Variants in PTPN3 observed in about 807,000 individuals in gnomAD.
PTPN3 encodes protein tyrosine phosphatase non-receptor type 3, also known as tyrosine-protein phosphatase non-receptor type 3.
In PTPN3, 96 loss-of-function variants were observed where a neutral mutation model predicts 132.7. That is an observed-to-expected ratio of 0.72 (90% CI 0.61 to 0.86). The LOEUF is 0.86. Among genes scored for constraint, PTPN3 ranks in the 40% least tolerant of loss-of-function variants. The pLI, the probability that PTPN3 is intolerant of heterozygous loss-of-function variation, is 0.00. For synonymous variants in PTPN3, 398 were observed against 429.0 expected, an observed-to-expected ratio of 0.93 and a Z score of 0.89; for missense variants, 1,125 against 1,159.6, an observed-to-expected ratio of 0.97 and a Z score of 0.43.
chr9:109,510,576 A>ATATATATAT, the PTPN3 span, among the ~76,000 whole-genome samples: 4 of 47,334 alleles, frequency 8.5e-5, no homozygotes, highest in African/African-American at 3.0e-4. Flanking sequence ...AAAAAAAAAA[A>ATATATATAT]ATATATATAT....
rs1281447443 is a variant in PTPN3 at position 109,381,856 on chromosome 9, T to A, written c.2529-69A>T. The A allele has an allele frequency of 2.7e-5, 42 of 1,563,974 alleles. No homozygotes were observed. In the East Asian group the frequency reaches 9.0e-4, roughly 33 times the overall value. ...CCTTTCTGCATGGCCCAGCGAGCAG[T>A]TCCCCGCTGACTCCAAAGGGGCTTT... On this transcript the variant is annotated intron_variant, in intron 24 of 25. Coordinates refer to ENST00000374541, the MANE Select transcript of PTPN3 (RefSeq NM_002829.4).
chr9:109,447,628 A>G (rs981748078), intron 6 of PTPN3, among the ~76,000 whole-genome samples: 1 of 152,124 alleles, frequency 6.6e-6, no homozygotes, highest in Non-Finnish European at 1.5e-5. Flanking sequence ...TCTTGCTTCT[A>G]ACTATCCACC....
upstream of PTPN3, chr9:109,498,318 A>G (rs2132137804): frequency 6.9e-6 from 1 of 145,838 alleles, no homozygotes; most frequent in East Asian, 2.0e-4. The surrounding 1 kb of genome is among the most constrained non-coding windows in gnomAD (Gnocchi z 4.2). Context: ...GAGCATGCCC[A>G]GTGCCGCCCG....
At chr9:109,488,247 ACCC>A (rs1336251759) in intron 1 of PTPN3, among the ~76,000 whole-genome samples, 2 of 151,702 alleles carry the variant, frequency 1.3e-5, no homozygotes, top group Non-Finnish European at 2.9e-5. Flanking sequence ...GACTACAGGC[ACCC>A]ACCAGCACTG....
intron 5 of PTPN3, among the ~76,000 whole-genome samples, chr9:109,453,822 C>T (rs957517036): frequency 4.9e-5 from 7 of 144,120 alleles, no homozygotes; most frequent in Non-Finnish European, 1.0e-4. Flanking sequence ...CCAGCCTGGA[C>T]GACATGGAAA....
At chr9:109,397,319 A>C (rs1030927812) in intron 19 of PTPN3, among the ~76,000 whole-genome samples, 1 of 152,258 alleles carries the variant, frequency 6.6e-6, no homozygotes, top group Non-Finnish European at 1.5e-5. Flanking sequence ...CTCAATAAAA[A>C]TTTGTAGAGT....
intron 1 of PTPN3, among the ~76,000 whole-genome samples, chr9:109,484,634 T>C (rs1847127783): frequency 6.6e-6 from 1 of 152,124 alleles, no homozygotes; most frequent in African/African-American, 2.4e-5. Flanking sequence ...GTGCCTGGAC[T>C]TCAGAGGCGA....
At position 109,436,482 on chromosome 9, in the gene PTPN3, A is replaced by T. The variant is rs543752483; in HGVS notation, c.675+401T>A. The stretch of plus-strand genomic sequence containing the variant: ...ACAATTATATCACCATAATCTTTTT[A>T]AAAAAACTATCATATATGAGTAACT... On this transcript the variant is annotated intron_variant, in intron 9 of 25. Coordinates refer to ENST00000374541, the MANE Select transcript of PTPN3 (RefSeq NM_002829.4). Among the ~76,000 whole-genome samples, 6 of 152,336 alleles carry T rather than the reference A, an allele frequency of 3.9e-5. No homozygotes were observed. In the East Asian group the frequency reaches 9.6e-4, roughly 24 times the overall value.
intron 14 of PTPN3, among the ~76,000 whole-genome samples, chr9:109,415,077 A>ACCATCCATCCAT (rs201768060): frequency 2.1e-3 from 264 of 125,184 alleles, no homozygotes; most frequent in East Asian, 0.011. Context: ...CGTCCATCCA[A>ACCATCCATCCAT]CCATCCATCC....
Position 109,381,781 on chromosome 9 carries a change from T to C in PTPN3, c.2535A>G (p.Gly845=), listed in dbSNP as rs1564368559. The C allele has an allele frequency of 6.2e-7, 1 of 1,614,122 alleles. No homozygotes were observed. The highest frequency in any genetic ancestry group is 8.5e-7 in the Non-Finnish European group (1 of 1,180,052). The change falls in exon 25 of 26, where the codon GGA becomes GGG. Residue 845 remains glycine (G), a synonymous_variant. Coordinates refer to ENST00000374541, the MANE Select transcript of PTPN3 (RefSeq NM_002829.4). Reference sequence around the variant, plus strand: ...TGACCAACACACCGGTTCGACCTATTCCAGCACTGGAGAGGGGAGAGAAGA... The same window carrying C: ...TGACCAACACACCGGTTCGACCTATCCCAGCACTGGAGAGGGGAGAGAAGA... ...SEPVLVHCSA[G]IGRTGVLVTM... is the part of the protein sequence containing the mutation.
intron 12 of PTPN3, among the ~76,000 whole-genome samples, chr9:109,424,919 A>G (rs1843133544): frequency 6.6e-6 from 1 of 152,216 alleles, no homozygotes; most frequent in Admixed American, 6.5e-5. Context: ...TTTGCAGATG[A>G]AGAAATAGAA....
intron 5 of PTPN3, chr9:109,450,410 A>G: frequency 2.0e-6 from 2 of 984,700 alleles, no homozygotes; most frequent in African/African-American, 1.7e-5. Flanking sequence ...AGATAATCCA[A>G]TGGTGAACCC....
At chr9:109,425,444 C>T (rs1178886320) in intron 12 of PTPN3, among the ~76,000 whole-genome samples, 1 of 152,224 alleles carries the variant, frequency 6.6e-6, no homozygotes, top group Non-Finnish European at 1.5e-5. Context: ...GGCACGGTGG[C>T]TCATGCCTGT....
intron 4 of PTPN3, 99 bp downstream of exon 4, chr9:109,457,074 C>A: frequency 7.9e-7 from 1 of 1,272,902 alleles, no homozygotes; most frequent in Non-Finnish European, 1.1e-6. Context: ...CCCGGAACTA[C>A]AGGTACCAGA....
At chr9:109,451,972 T>TA (rs983258228) in intron 5 of PTPN3, among the ~76,000 whole-genome samples, 3 of 152,076 alleles carry the variant, frequency 2.0e-5, no homozygotes, top group Non-Finnish European at 4.4e-5. Context: ...GGCAAGTTTT[T>TA]AAAAAAAGGA....
intron 5 of PTPN3, 46 bp from the exon 6 acceptor site, chr9:109,448,901 GCAA>G: frequency 5.9e-6 from 6 of 1,012,422 alleles, no homozygotes; most frequent in South Asian, 2.9e-5. Context: ...ACTGAAATAA[GCAA>G]AAAAAAAAAA....
At chr9:109,470,447 G>T (rs1343754406) in intron 1 of PTPN3, among the ~76,000 whole-genome samples, 1 of 151,726 alleles carries the variant, frequency 6.6e-6, no homozygotes, top group Non-Finnish European at 1.5e-5. Flanking sequence ...TTAAAGCCAG[G>T]CCTAACTGTT....
chr9:109,491,313 T>C (rs1468899956), intron 1 of PTPN3, among the ~76,000 whole-genome samples: 1 of 152,140 alleles, frequency 6.6e-6, no homozygotes, highest in African/African-American at 2.4e-5. Context: ...ATCATCGCTT[T>C]TAGGAAATAT....
At chr9:109,480,119 A>G (rs1846890008) in intron 1 of PTPN3, among the ~76,000 whole-genome samples, 2 of 152,134 alleles carry the variant, frequency 1.3e-5, no homozygotes, top group African/African-American at 2.4e-5. Context: ...CAATTTGTGC[A>G]TCTTTAGAGA....
Sources: gnomAD v4.1 joint callset for allele counts (sites outside exome capture counted in the v4.1 genomes callset) on GRCh38, gnomAD v4.1.1 for gene constraint, Gnocchi (gnomAD v3.1) non-coding constraint, MANE v1.5 for transcripts, NCBI Gene and HGNC (gene_info 2026-07-23, HGNC 2026-07-21) for gene names.